Variants in NAALADL2 observed in about 807,000 individuals in gnomAD.
NAALADL2 encodes inactive N-acetylated-alpha-linked acidic dipeptidase-like protein 2.
NAALADL2 carries 76 observed loss-of-function variants against 87.2 expected under a neutral mutation model. That is an observed-to-expected ratio of 0.87 (90% CI 0.72 to 1.05). The LOEUF is 1.05. Ranked by LOEUF, NAALADL2 falls within the 50% of genes least tolerant of loss-of-function variation. NAALADL2 has a pLI of 0.00. For missense variants in NAALADL2, 1,089 were observed against 945.8 expected (o/e 1.15, Z -1.99); for synonymous variants, 354 against 331.0 (o/e 1.07, Z -0.75).
At chr3:174,783,852 A>G (rs543592) in intron 3 of NAALADL2, among the ~76,000 whole-genome samples, 47,219 of 151,848 alleles carry the variant, frequency 0.31, 7,323 homozygotes, top group Middle Eastern at 0.36. Context: ...CTTCCAGGGC[A>G]TCATTTTTTT....
At chr3:175,126,919 C>G (rs1580589082) in intron 2 of NAALADL2, among the ~76,000 whole-genome samples, 1 of 141,176 alleles carries the variant, frequency 7.1e-6, no homozygotes, top group African/African-American at 2.6e-5. Flanking sequence ...AGTTGTTGGT[C>G]TTATTAAAGT....
chr3:175,392,383 A>G (rs1389520540), intron 5 of NAALADL2, among the ~76,000 whole-genome samples: 1 of 152,210 alleles, frequency 6.6e-6, no homozygotes, highest in Non-Finnish European at 1.5e-5. Flanking sequence ...TTTTAAAATA[A>G]AGAAAAATCT....
chr3:174,787,157 A>G (rs1010936124), intron 3 of NAALADL2, among the ~76,000 whole-genome samples: 2 of 152,012 alleles, frequency 1.3e-5, no homozygotes, highest in African/African-American at 4.8e-5. Flanking sequence ...AAATGACAAC[A>G]TCTTTGGGGG....
At chr3:174,444,515 G>T (rs80198616) in intron 1 of NAALADL2, among the ~76,000 whole-genome samples, 5,157 of 152,166 alleles carry the variant, frequency 0.034, 176 homozygotes, top group East Asian at 0.1. Context: ...CTTAGGAGAA[G>T]ACTTAAAGAG....
chr3:175,568,540 T>G (rs1177948341), intron 9 of NAALADL2, among the ~76,000 whole-genome samples: 1 of 152,304 alleles, frequency 6.6e-6, no homozygotes, highest in East Asian at 1.9e-4. Context: ...GAGCATTGCA[T>G]TTGAAGTGAA....
intron 13 of NAALADL2, among the ~76,000 whole-genome samples, chr3:175,759,129 T>C (rs923979992): frequency 2.0e-5 from 3 of 152,144 alleles, no homozygotes; most frequent in Non-Finnish European, 2.9e-5. Flanking sequence ...TGGCTCCTCA[T>C]TGAACGCTGC....
At chr3:174,603,679 T>C (rs972493107) in intron 2 of NAALADL2, among the ~76,000 whole-genome samples, 2 of 152,096 alleles carry the variant, frequency 1.3e-5, no homozygotes, top group African/African-American at 4.8e-5. Flanking sequence ...GGTTGTTTAT[T>C]TGAAGTTTTT....
chr3:175,241,039 C>A (rs1746774082), intron 3 of NAALADL2, among the ~76,000 whole-genome samples: 1 of 152,064 alleles, frequency 6.6e-6, no homozygotes, highest in Non-Finnish European at 1.5e-5. Flanking sequence ...AAAAATCCAT[C>A]TTTTGGCAAC....
chr3:174,945,632 T>C (rs1202102777), intron 1 of NAALADL2, among the ~76,000 whole-genome samples: 1 of 152,194 alleles, frequency 6.6e-6, no homozygotes, highest in Non-Finnish European at 1.5e-5. Flanking sequence ...CATTTGAACG[T>C]GGCTTGGTTC....
intron 2 of NAALADL2, among the ~76,000 whole-genome samples, chr3:174,557,016 G>A (rs1393825399): frequency 6.6e-6 from 1 of 152,074 alleles, no homozygotes; most frequent in Non-Finnish European, 1.5e-5. Flanking sequence ...AAAGTGCTGG[G>A]ATTACAGGCT....
chr3:174,837,454 T>A (rs1034300019), intron 3 of NAALADL2, among the ~76,000 whole-genome samples: 20 of 152,262 alleles, frequency 1.3e-4, no homozygotes, highest in African/African-American at 4.8e-4. Flanking sequence ...AAGAATCAGG[T>A]GCCCTGAATA....
intron 2 of NAALADL2, among the ~76,000 whole-genome samples, chr3:174,691,711 C>G (rs1418188593): frequency 6.6e-6 from 1 of 152,192 alleles, no homozygotes; most frequent in East Asian, 1.9e-4. Context: ...TCTCTAAATA[C>G]TGGAGTCAAT....
rs531770070 is a variant in NAALADL2, at chr3:175,343,498, A to G, written c.1090+19173A>G. ...CCTTGACAGCCAAGAAACCAAGAAA[A>G]GATTAAATTATGGAAATTAAGCAAG... On this transcript the variant is annotated intron_variant, in intron 5 of 13. Coordinates refer to ENST00000454872, the MANE Select transcript of NAALADL2 (RefSeq NM_207015.3). 6.6e-5 allele frequency among the ~76,000 whole-genome samples: 10 copies of G among 152,152 alleles called. No homozygotes were observed. In the East Asian group the frequency reaches 1.9e-3, roughly 29 times the overall value.
chr3:175,035,165 A>G (rs1410291193), intron 1 of NAALADL2, among the ~76,000 whole-genome samples: 1 of 152,182 alleles, frequency 6.6e-6, no homozygotes, highest in African/African-American at 2.4e-5. Context: ...GAACAGGTAC[A>G]TTCTGCATGA....
chr3:174,451,088 A>G (rs1715451926), intron 1 of NAALADL2, among the ~76,000 whole-genome samples: 1 of 152,140 alleles, frequency 6.6e-6, no homozygotes, highest in South Asian at 2.1e-4. Context: ...AAAAACTGCA[A>G]TTGTGTTTGT....
At chr3:175,486,295 TCC>T (rs1280653004) in intron 9 of NAALADL2, among the ~76,000 whole-genome samples, 1 of 152,180 alleles carries the variant, frequency 6.6e-6, no homozygotes, top group East Asian at 1.9e-4. Flanking sequence ...ATCCTAGACT[TCC>T]CAAATCTCTT....
intron 1 of NAALADL2, among the ~76,000 whole-genome samples, chr3:175,067,665 C>T (rs1227865581): frequency 2.0e-5 from 3 of 151,878 alleles, no homozygotes; most frequent in Non-Finnish European, 4.4e-5. Context: ...AGCTTAGTTA[C>T]TGTGGAAAGC....
chr3:174,513,397 CT>C (rs1358718093), intron 1 of NAALADL2: 3 of 152,108 alleles, frequency 2.0e-5, no homozygotes, highest in Non-Finnish European at 1.5e-5. Flanking sequence ...ATTATCTTAT[CT>C]ATTTTTAATG....
chr3:174,619,549 A>G (rs1390646425), intron 2 of NAALADL2, among the ~76,000 whole-genome samples: 4 of 151,962 alleles, frequency 2.6e-5, no homozygotes, highest in Non-Finnish European at 5.9e-5. Context: ...ATTAGAAATA[A>G]GAGTTGCTTT....
Sources: allele counts gnomAD v4.1 joint callset (sites outside exome capture counted in the v4.1 genomes callset), GRCh38; gene constraint gnomAD v4.1.1; transcripts MANE v1.5; gene names NCBI Gene and HGNC (gene_info 2026-07-23, HGNC 2026-07-21).